TRIM24: variants seen among roughly 807,000 people sequenced by gnomAD.
TRIM24 encodes transcription intermediary factor 1-alpha.
TRIM24 carries 29 observed loss-of-function variants against 123.9 expected under a neutral mutation model. The observed-to-expected ratio is 0.23, with a 90% confidence interval of 0.17 to 0.32. The LOEUF is 0.32. Among genes scored for constraint, TRIM24 ranks in the 10% least tolerant of loss-of-function variants. TRIM24 has a pLI of 1.00. For synonymous variants in TRIM24, 456 were observed against 461.1 expected, an observed-to-expected ratio of 0.99 and a Z score of 0.14; for missense variants, 932 against 1,295.3, an observed-to-expected ratio of 0.72 and a Z score of 4.31.
rs560610642 is a variant in TRIM24, at chr7:138,478,094, A to G, written c.364+17182A>G. 8.0e-4 allele frequency among the ~76,000 whole-genome samples: 122 copies of G among 152,342 alleles called. 1 individual carries two copies. Among genetic ancestry groups the G allele is most frequent in the African/African-American group, 2.9e-3 (120 of 41,584 alleles). On this transcript the variant is annotated intron_variant, in intron 1 of 18. Coordinates refer to ENST00000343526, the MANE Select transcript of TRIM24 (RefSeq NM_015905.3). ...ATATTATTAAATGTTTATAATATATAAACATGTTTTATTTATCAGATTTCC... is the reference window on the plus strand; with the variant it reads ...ATATTATTAAATGTTTATAATATATGAACATGTTTTATTTATCAGATTTCC...
chr7:138,494,136 C>A (rs899761832), intron 1 of TRIM24, among the ~76,000 whole-genome samples: 2 of 152,038 alleles, frequency 1.3e-5, no homozygotes, highest in African/African-American at 4.8e-5. Flanking sequence ...CACCTGCCAC[C>A]ATGCCCAGCT....
At chr7:138,503,308 G>A (rs895850272) in intron 1 of TRIM24, among the ~76,000 whole-genome samples, 26 of 151,758 alleles carry the variant, frequency 1.7e-4, no homozygotes, top group Non-Finnish European at 3.4e-4. Context: ...TGGGAGCATT[G>A]GTATCTTTAC....
At chr7:138,497,951 C>G (rs1795949910) in intron 1 of TRIM24, among the ~76,000 whole-genome samples, 3 of 152,280 alleles carry the variant, frequency 2.0e-5, no homozygotes, top group Middle Eastern at 3.4e-3. Context: ...CCTCGGCTGT[C>G]CAAAGTGCTG....
intron 3 of TRIM24, among the ~76,000 whole-genome samples, chr7:138,515,811 T>C (rs1019367930): frequency 1.3e-5 from 2 of 152,200 alleles, no homozygotes; most frequent in Admixed American, 1.3e-4. Flanking sequence ...ATTATTATTG[T>C]CTTGTTTTTA....
intron 6 of TRIM24, among the ~76,000 whole-genome samples, chr7:138,536,573 G>C (rs1796878876): frequency 6.6e-6 from 1 of 152,202 alleles, no homozygotes; most frequent in Non-Finnish European, 1.5e-5. Flanking sequence ...TCGTTCCTCT[G>C]GAAGCTTTGT....
intron 2 of TRIM24, among the ~76,000 whole-genome samples, chr7:138,507,477 C>G (rs1342494587): frequency 6.6e-6 from 1 of 151,440 alleles, no homozygotes; most frequent in Non-Finnish European, 1.5e-5. Context: ...TACAGGTGCC[C>G]ACCATCACGC....
rs6964351 is a variant in TRIM24 at position 138,508,700 on chromosome 7, C to T, written c.483+4292C>T. 8.7e-3 allele frequency among the ~76,000 whole-genome samples: 310 copies of T among 35,552 alleles called. 5 individuals are homozygous for T. The highest frequency in any genetic ancestry group is 0.031 in the East Asian group (43 of 1,398). 23.3% of individuals were successfully genotyped at this position (35,552 alleles called of 152,430 possible). On this transcript the variant is annotated intron_variant, in intron 2 of 18. Transcript: ENST00000343526. ...GTGTGTGTGTGTGTGTGTGCGCGCG[C>T]GTGTGTGCGTGTGTGTGTGCGTGTG...
chr7:138,532,491 G>A (rs574088052), intron 6 of TRIM24, among the ~76,000 whole-genome samples: 21 of 152,280 alleles, frequency 1.4e-4, no homozygotes, highest in African/African-American at 5.1e-4. Flanking sequence ...CCCATTGCTT[G>A]TTTTTGTCAG....
At chr7:138,508,720 C>CGT (rs113425807) in intron 2 of TRIM24, among the ~76,000 whole-genome samples, 1,986 of 72,504 alleles carry the variant, frequency 0.027, 23 homozygotes, top group African/African-American at 0.033. Flanking sequence ...TGTGTGTGTG[C>CGT]GTGTGTGTGT....
intron 2 of TRIM24, among the ~76,000 whole-genome samples, 158 bp downstream of exon 2, chr7:138,504,566 C>T (rs1413803966): frequency 6.6e-6 from 1 of 150,492 alleles, no homozygotes; most frequent in East Asian, 2.0e-4. Context: ...AGGTTCACAC[C>T]ATTCTCCTGC....
chr7:138,520,516 A>G (rs1485465562), intron 4 of TRIM24, among the ~76,000 whole-genome samples: 1 of 152,158 alleles, frequency 6.6e-6, no homozygotes, highest in Non-Finnish European at 1.5e-5. Flanking sequence ...ATGCGAACAT[A>G]GTGAGACCCC....
intron 12 of TRIM24, among the ~76,000 whole-genome samples, chr7:138,576,067 T>C (rs1797751941): frequency 6.6e-6 from 1 of 152,070 alleles, no homozygotes; most frequent in African/African-American, 2.4e-5. Context: ...CTGGGAAGTA[T>C]AGAGAGATGC....
intron 7 of TRIM24, among the ~76,000 whole-genome samples, chr7:138,541,038 T>C (rs1796992638): frequency 6.6e-6 from 1 of 152,148 alleles, no homozygotes; most frequent in South Asian, 2.1e-4. Context: ...GGGGTTTCCC[T>C]ATGTTTTCCA....
chr7:138,529,249 G>A lies in TRIM24; in HGVS notation c.996+19G>A. ...GTTAGAGGTAAGTGACTGCCCATGGGATAGTATATTGATTCAACATAGTAT... is the reference window on the plus strand; with the variant it reads ...GTTAGAGGTAAGTGACTGCCCATGGAATAGTATATTGATTCAACATAGTAT... On this transcript the variant is annotated intron_variant, in intron 6 of 18. Coordinates refer to ENST00000343526, the MANE Select transcript of TRIM24 (RefSeq NM_015905.3). The A allele has an allele frequency of 7.9e-7, 1 of 1,268,330 alleles. No homozygotes were observed. Among genetic ancestry groups the A allele is most frequent in the Non-Finnish European group, 1.1e-6 (1 of 920,664 alleles). 78.6% of individuals were successfully genotyped at this position (1,268,330 alleles called of 1,614,324 possible). A position where few individuals can be genotyped will look rare whatever the true frequency, so the allele number is the denominator to read the frequency against.
At chr7:138,524,302 G>A (rs983445908) in intron 4 of TRIM24, among the ~76,000 whole-genome samples, 2 of 152,072 alleles carry the variant, frequency 1.3e-5, no homozygotes, top group African/African-American at 4.8e-5. Flanking sequence ...TTTGCATTGA[G>A]ATTAGGAACA....
intron 1 of TRIM24, chr7:138,491,305 C>G (rs1026203403): frequency 9.3e-6 from 2 of 215,956 alleles, no homozygotes; most frequent in Non-Finnish European, 1.9e-5. Flanking sequence ...AATGGATCAA[C>G]TACCTTTTTG....
intron 5 of TRIM24, 32 bp from the exon 6 acceptor site, chr7:138,529,084 T>A (rs375698387): frequency 2.8e-5 from 38 of 1,339,052 alleles, no homozygotes; most frequent in Non-Finnish European, 3.8e-5. Flanking sequence ...ACAAAAAAAC[T>A]GCCTTATGTT....
At chr7:138,493,607 G>A (rs997696632) in intron 1 of TRIM24, among the ~76,000 whole-genome samples, 9 of 152,136 alleles carry the variant, frequency 5.9e-5, no homozygotes, top group African/African-American at 1.2e-4. Context: ...CAGAGAAGCC[G>A]CTGTAAGCCT....
intron 2 of TRIM24, among the ~76,000 whole-genome samples, chr7:138,511,247 T>C (rs910203999): frequency 6.0e-4 from 91 of 151,542 alleles, no homozygotes; most frequent in African/African-American, 2.2e-3. Context: ...GTCTTACATG[T>C]GGCCGGAGCA....
Sources: gnomAD v4.1 joint callset for allele counts (sites outside exome capture counted in the v4.1 genomes callset) on GRCh38, gnomAD v4.1.1 for gene constraint, MANE v1.5 for transcripts, NCBI Gene and HGNC (gene_info 2026-07-23, HGNC 2026-07-21) for gene names.